Variants in CAPN13 observed in about 807,000 individuals in gnomAD.
CAPN13 encodes the protein calpain 13.
Under a neutral mutation model 98.4 loss-of-function variants are expected in CAPN13, and 90 were observed. The observed-to-expected ratio is 0.92, with a 90% CI of 0.77 to 1.09. The LOEUF (loss-of-function observed/expected upper bound fraction) is 1.09, where lower values mean the gene tolerates loss of function less well. CAPN13 is among the 50% of genes least tolerant of loss of function. The probability of loss-of-function intolerance (pLI) is 0.00; values close to 1 mark genes in which losing one functional copy is unlikely to be tolerated. For synonymous variants in CAPN13, 330 were observed against 305.5 expected, an observed-to-expected ratio of 1.08 and a Z score of -0.84; for missense variants, 887 against 841.3, an observed-to-expected ratio of 1.05 and a Z score of -0.67.
intron 18 of CAPN13, among the ~76,000 whole-genome samples, chr2:30,735,444 C>T (rs545804333): frequency 2.6e-5 from 4 of 152,202 alleles, no homozygotes; most frequent in African/African-American, 9.7e-5. Flanking sequence ...GGGCCTTATT[C>T]GGCTTTTGGT....
chr2:30,784,943 C>T (rs1246548782), intron 2 of CAPN13, among the ~76,000 whole-genome samples: 1 of 152,242 alleles, frequency 6.6e-6, no homozygotes, highest in Non-Finnish European at 1.5e-5. Flanking sequence ...GGTGTGGCTC[C>T]TCTTCCAGTG....
Position 30,741,909 on chromosome 2 carries a change from T to C in CAPN13, c.1535A>G (p.Gln512Arg). 6.2e-7 allele frequency: 1 copy of C among 1,613,914 alleles called. No individual in the cohort carries two copies. Among genetic ancestry groups the C allele is most frequent in the Middle Eastern group, 1.7e-4 (1 of 6,056 alleles). The change falls in exon 15 of 23, where the codon CAG becomes CGG. Residue 512 changes from glutamine (Q) to arginine (R), a missense_variant and splice_region_variant. By Grantham distance (43) the Gln-to-Arg change is conservative. Transcript: ENST00000295055. Reference sequence around the variant, plus strand: ...GCCCCTGGGTGCTAGGTACCATACCTGCTGAGCATATCTGTTGAAAATGCT... The same window carrying C: ...GCCCCTGGGTGCTAGGTACCATACCCGCTGAGCATATCTGTTGAAAATGCT... ...QQSIFNRYAQ[Q>R]RLDIDATQLQ...
At chr2:30,800,136 G>GAAAGAAAGAA (rs1553322236) in intron 1 of CAPN13, among the ~76,000 whole-genome samples, 46 of 144,536 alleles carry the variant, frequency 3.2e-4, no homozygotes, top group African/African-American at 7.1e-4. Flanking sequence ...AAGAAAGAAA[G>GAAAGAAAGAA]AAAGAAAGAA....
chr2:30,747,687 T>A (rs1275203105), intron 11 of CAPN13, among the ~76,000 whole-genome samples: 1 of 152,228 alleles, frequency 6.6e-6, no homozygotes, highest in Non-Finnish European at 1.5e-5. Context: ...AGGTCAGCAC[T>A]GGAGCCCTGG....
At chr2:30,726,583 A>T (rs1157511273) in intron 22 of CAPN13, among the ~76,000 whole-genome samples, 3 of 152,186 alleles carry the variant, frequency 2.0e-5, no homozygotes, top group African/African-American at 7.2e-5. Flanking sequence ...GTACACTAGC[A>T]ATGAAAATCT....
chr2:30,802,546 G>A (rs531742515), intron 1 of CAPN13, among the ~76,000 whole-genome samples: 124 of 141,406 alleles, frequency 8.8e-4, no homozygotes, highest in Non-Finnish European at 1.5e-3. Context: ...GCAGGCTGGG[G>A]GGGGGGGGTG....
intron 5 of CAPN13, 83 bp downstream of exon 5, chr2:30,770,230 G>A (rs932920571): frequency 3.9e-6 from 6 of 1,546,942 alleles, no homozygotes; most frequent in Non-Finnish European, 5.3e-6. Context: ...AGGCTGCAAT[G>A]CTCCAACAGG....
In CAPN13 at chr2:30,753,465, G is replaced by A. The variant is rs113111573; in HGVS notation, c.942-267C>T. 3.9e-3 allele frequency among the ~76,000 whole-genome samples: 593 copies of A among 152,318 alleles called. 4 individuals carry two copies. The highest frequency in any genetic ancestry group is 0.013 in the African/African-American group (552 of 41,586). Reference sequence around the variant, plus strand: ...TGCCATCTCCTTAACCCATTGATCCGATGGTGAGCCCTTTCATGATCAGTG... The same window carrying A: ...TGCCATCTCCTTAACCCATTGATCCAATGGTGAGCCCTTTCATGATCAGTG... On this transcript the variant is annotated intron_variant, in intron 9 of 22. Transcript: ENST00000295055.
Position 30,732,463 on chromosome 2 carries a change from G to A in CAPN13, c.1902C>T (p.Phe634=), listed in dbSNP as rs778357096. 3.0e-5 allele frequency: 48 copies of A among 1,613,560 alleles called. No homozygotes were observed. The African/African-American group carries it at 6.0e-4, about 20-fold the overall frequency. The change falls in exon 20 of 23, where the codon TTC becomes TTT. Residue 634 remains phenylalanine, a synonymous_variant. Coordinates refer to ENST00000295055, the MANE Select transcript of CAPN13 (RefSeq NM_144575.3). The stretch of plus-strand genomic sequence containing the variant: ...TTGCCATGGCTTCAAGCCGCATCAG[G>A]AAGCAGACCAGGCTGGGGAAGCTGA... ...GRVSFPSLVC[F]LMRLEAMAKT... is the part of the protein sequence containing the mutation.
At chr2:30,746,398 G>C (rs1439685345) in intron 11 of CAPN13, 1 of 154,306 alleles carries the variant, frequency 6.5e-6, no homozygotes, top group Non-Finnish European at 1.4e-5. Context: ...GCTGTAAGCA[G>C]ACATGACTGT....
intron 4 of CAPN13, among the ~76,000 whole-genome samples, chr2:30,773,796 A>C (rs1673533912): frequency 6.6e-6 from 1 of 152,226 alleles, no homozygotes; most frequent in South Asian, 2.1e-4. Flanking sequence ...AGCAGACAAA[A>C]AATAAGTAAA....
chr2:30,752,076 CT>C (rs1672201742), intron 10 of CAPN13, among the ~76,000 whole-genome samples: 1 of 152,198 alleles, frequency 6.6e-6, no homozygotes, highest in South Asian at 2.1e-4. Flanking sequence ...AGTAAATTTG[CT>C]GCCCAAGAGT....
intron 11 of CAPN13, among the ~76,000 whole-genome samples, chr2:30,748,853 G>A (rs779988327): frequency 6.6e-6 from 1 of 152,138 alleles, no homozygotes; most frequent in African/African-American, 2.4e-5. Flanking sequence ...TCTCTCCACC[G>A]AATTCCTGAA....
At chr2:30,765,893 A>G (rs947316669) in intron 5 of CAPN13, among the ~76,000 whole-genome samples, 5 of 152,240 alleles carry the variant, frequency 3.3e-5, no homozygotes, top group Non-Finnish European at 7.3e-5. Flanking sequence ...TCTAAACCTT[A>G]TCCTCCTGCT....
chr2:30,763,197 G>C (rs769991115), intron 6 of CAPN13, 41 bp from the exon 7 acceptor site: 31 of 1,559,286 alleles, frequency 2.0e-5, no homozygotes, highest in African/African-American at 8.1e-5. Flanking sequence ...GACATCTACA[G>C]GTTCTTCAAA....
At chr2:30,729,663 T>C (rs1670991142) in intron 22 of CAPN13, 1 of 152,208 alleles carries the variant, frequency 6.6e-6, no homozygotes, top group Non-Finnish European at 1.5e-5. Flanking sequence ...CAGTATTCAT[T>C]TGCGATCATT....
intron 4 of CAPN13, among the ~76,000 whole-genome samples, chr2:30,773,431 G>T (rs1296097284): frequency 6.6e-6 from 1 of 152,102 alleles, no homozygotes; most frequent in Non-Finnish European, 1.5e-5. Flanking sequence ...GAGAAACAGT[G>T]GTAGGCAATG....
intron 13 of CAPN13, among the ~76,000 whole-genome samples, chr2:30,742,650 T>A (rs1452760135): frequency 1.3e-5 from 2 of 152,192 alleles, no homozygotes; most frequent in Non-Finnish European, 2.9e-5. Context: ...TGCCTTAGGT[T>A]CCATCTCTGA....
At chr2:30,773,260 A>G (rs186385617) in intron 4 of CAPN13, among the ~76,000 whole-genome samples, 100 of 152,382 alleles carry the variant, frequency 6.6e-4, no homozygotes, top group Non-Finnish European at 1.2e-3. Context: ...CAGACTTTTC[A>G]GGAAAGGAAA....
Sources: allele counts gnomAD v4.1 joint callset (sites outside exome capture counted in the v4.1 genomes callset), GRCh38; gene constraint gnomAD v4.1.1; transcripts MANE v1.5; gene names NCBI Gene and HGNC (gene_info 2026-07-23, HGNC 2026-07-21).